Variants in SCD5 observed in about 807,000 individuals in gnomAD.
SCD5 encodes the protein stearoyl-CoA desaturase 5, also known as acyl-CoA-desaturase 4.
In SCD5, 20 loss-of-function variants were observed where a neutral mutation model predicts 30.4. That is an observed-to-expected ratio of 0.66 (90% CI 0.46 to 0.96). The LOEUF (loss-of-function observed/expected upper bound fraction) is 0.96. Ranked by LOEUF, SCD5 falls within the 40% of genes least tolerant of loss-of-function variation. The probability of loss-of-function intolerance (pLI) is 0.00; values close to 1 mark genes in which losing one functional copy is unlikely to be tolerated. For missense variants in SCD5, 381 were observed against 443.3 expected, an observed-to-expected ratio of 0.86 and a Z score of 1.26; for synonymous variants, 173 against 176.4, an observed-to-expected ratio of 0.98 and a Z score of 0.16.
rs768677453 is a variant in SCD5, at chr4:82,705,426, A to G, written c.233-13T>C. ...AAGCAGAAGTAGGCTGCAAGACACA[A>G]GCAGGGACAACGTCAACAATGGTCC... is the stretch of plus-strand genomic sequence containing the variant. On this transcript the variant is annotated splice_polypyrimidine_tract_variant and intron_variant, in intron 1 of 4. Transcript: ENST00000319540. 7 of 1,614,112 alleles carry G rather than the reference A, an allele frequency of 4.3e-6. No individual in the cohort carries two copies. The East Asian group carries it at 1.1e-4, about 26-fold the overall frequency.
chr4:82,743,548 T>G (rs1720922071), intron 1 of SCD5, among the ~76,000 whole-genome samples: 1 of 152,062 alleles, frequency 6.6e-6, no homozygotes, highest in African/African-American at 2.4e-5. Flanking sequence ...TTTAATTTTT[T>G]TTAGATATGC....
chr4:82,752,276 T>TATAC (rs1721120503), intron 1 of SCD5, among the ~76,000 whole-genome samples: 1 of 148,824 alleles, frequency 6.7e-6, no homozygotes, highest in African/African-American at 2.5e-5. Flanking sequence ...TAAAAAATTA[T>TATAC]ATATATATAT....
intron 3 of SCD5, among the ~76,000 whole-genome samples, 162 bp from the exon 4 acceptor site, chr4:82,636,985 A>G (rs547319338): frequency 2.0e-5 from 3 of 152,316 alleles, no homozygotes; most frequent in South Asian, 4.1e-4. Flanking sequence ...TAGGGGTCAC[A>G]AGACCCATAT....
chr4:82,650,000 G>A (rs1727713402), intron 3 of SCD5, among the ~76,000 whole-genome samples: 1 of 152,178 alleles, frequency 6.6e-6, no homozygotes, highest in African/African-American at 2.4e-5. Context: ...ACTTTGAGGG[G>A]ATGAAACTCC....
At chr4:82,732,815 C>A (rs6822001) in intron 1 of SCD5, among the ~76,000 whole-genome samples, 1 of 151,922 alleles carries the variant, frequency 6.6e-6, no homozygotes, top group Non-Finnish European at 1.5e-5. Context: ...GGGAAAGAAA[C>A]GGAATGTGGG....
intron 3 of SCD5, among the ~76,000 whole-genome samples, chr4:82,645,551 A>G (rs145271629): frequency 6.6e-6 from 1 of 152,224 alleles, no homozygotes; most frequent in African/African-American, 2.4e-5. Context: ...AGATGCTGTA[A>G]GCCCTTCCAC....
In SCD5 at chr4:82,630,544, T is replaced by C. The variant is rs184058425; in HGVS notation, c.*783A>G. On this transcript the variant is annotated 3_prime_UTR_variant, in exon 5 of 5. Coordinates refer to ENST00000319540, the MANE Select transcript of SCD5 (RefSeq NM_001037582.3). ...GAAAGAATATTACTTTCCTTCATCCTGTCAGGGTTAGCATCATGTTCAAGC... is the reference window on the plus strand; with the variant it reads ...GAAAGAATATTACTTTCCTTCATCCCGTCAGGGTTAGCATCATGTTCAAGC... 5.9e-5 allele frequency: 9 copies of C among 152,372 alleles called. No homozygotes were observed. 9.4% of individuals were successfully genotyped at this position (152,372 alleles called of 1,614,324 possible). A position where few individuals can be genotyped will look rare whatever the true frequency, so the allele number is the denominator to read the frequency against.
rs1182557563 is a variant in SCD5 at position 82,636,804 on chromosome 4, C to T, written c.589G>A (p.Val197Met). The change falls in exon 4 of 5, where the codon GTG becomes ATG. Residue 197 changes from valine to methionine, a missense_variant. Coordinates refer to ENST00000319540, the MANE Select transcript of SCD5 (RefSeq NM_001037582.3). ...IQRKYYKISV[V>M]LMCFVVPTLV... ...GTGGGGACCACAAAGCACATGAGCA[C>T]CACGGAGATCTTATAGTACCTACAG... The T allele has an allele frequency of 2.5e-6, 4 of 1,613,106 alleles. No homozygotes were observed. The Admixed American group carries it at 5.0e-5, about 20-fold the overall frequency.
intron 1 of SCD5, among the ~76,000 whole-genome samples, chr4:82,771,304 C>T (rs1201951797): frequency 6.6e-6 from 1 of 152,138 alleles, no homozygotes; most frequent in African/African-American, 2.4e-5. Flanking sequence ...GGTTCTTTCT[C>T]ATCTCCATCT....
At chr4:82,691,042 T>G (rs1280679115) in intron 2 of SCD5, among the ~76,000 whole-genome samples, 1 of 152,218 alleles carries the variant, frequency 6.6e-6, no homozygotes, top group East Asian at 1.9e-4. Context: ...GTTTTGTTTT[T>G]GAGATGGAGT....
chr4:82,778,565 A>C (rs1721801949), intron 1 of SCD5, among the ~76,000 whole-genome samples: 1 of 152,190 alleles, frequency 6.6e-6, no homozygotes, highest in Non-Finnish European at 1.5e-5. Flanking sequence ...AGCTGGCCAG[A>C]CCATCCCCAG....
chr4:82,703,508 G>C (rs1719902882), intron 2 of SCD5, among the ~76,000 whole-genome samples: 1 of 152,154 alleles, frequency 6.6e-6, no homozygotes, highest in Non-Finnish European at 1.5e-5. Flanking sequence ...CTTGCAGAAA[G>C]GCTCACATCT....
At chr4:82,651,958 TAAG>T (rs768888591) in intron 3 of SCD5, among the ~76,000 whole-genome samples, 5 of 152,036 alleles carry the variant, frequency 3.3e-5, no homozygotes, top group Non-Finnish European at 5.9e-5. Flanking sequence ...TAAAAAACAA[TAAG>T]AACATTCTAA....
At chr4:82,719,106 A>G (rs931780635) in intron 1 of SCD5, among the ~76,000 whole-genome samples, 8 of 151,708 alleles carry the variant, frequency 5.3e-5, no homozygotes, top group African/African-American at 1.9e-4. Flanking sequence ...TGATCCAACA[A>G]TTAAAAATAG....
intron 1 of SCD5, among the ~76,000 whole-genome samples, chr4:82,712,297 T>TATACACATA (rs1560540874): frequency 3.0e-5 from 1 of 33,764 alleles, no homozygotes; most frequent in Non-Finnish European, 6.3e-5. Flanking sequence ...TATATATATA[T>TATACACATA]TTTATTTTTA....
chr4:82,779,889 C>T (rs1721832122), intron 1 of SCD5, among the ~76,000 whole-genome samples: 1 of 152,182 alleles, frequency 6.6e-6, no homozygotes, highest in Admixed American at 6.5e-5. Flanking sequence ...TATGACTATT[C>T]AGACTAAATA....
At chr4:82,727,394 C>T (rs1720526206) in intron 1 of SCD5, among the ~76,000 whole-genome samples, 1 of 152,184 alleles carries the variant, frequency 6.6e-6, no homozygotes, top group South Asian at 2.1e-4. Flanking sequence ...TTCAGAAACA[C>T]ACTCATCCTC....
At chr4:82,654,967 C>T (rs758701420) in intron 3 of SCD5, among the ~76,000 whole-genome samples, 71 of 152,308 alleles carry the variant, frequency 4.7e-4, no homozygotes, top group Admixed American at 1.5e-3. Context: ...TGAGAATAAA[C>T]TCTGTTCCTG....
intron 3 of SCD5, among the ~76,000 whole-genome samples, chr4:82,670,737 C>G (rs967804654): frequency 2.6e-5 from 4 of 151,308 alleles, no homozygotes; most frequent in Non-Finnish European, 4.4e-5. Flanking sequence ...TGGCAAATAT[C>G]AATTCCATGT....
Sources: gnomAD v4.1 joint callset for allele counts (sites outside exome capture counted in the v4.1 genomes callset) on GRCh38, gnomAD v4.1.1 for gene constraint, MANE v1.5 for transcripts, NCBI Gene and HGNC (gene_info 2026-07-23, HGNC 2026-07-21) for gene names.